KANSL1L: variants seen among roughly 807,000 people sequenced by gnomAD.
KANSL1L encodes KAT8 regulatory NSL complex subunit 1 like.
In KANSL1L, 25 loss-of-function variants were observed where a neutral mutation model predicts 108.6. The observed-to-expected ratio is 0.23, with a 90% CI of 0.17 to 0.32. The LOEUF is 0.32. KANSL1L is among the 10% of genes least tolerant of loss of function. KANSL1L has a pLI of 1.00. For missense variants in KANSL1L, 1,137 were observed against 1,125.7 expected (o/e 1.01, Z -0.14); for synonymous variants, 405 against 395.1 (o/e 1.03, Z -0.30).
intron 5 of KANSL1L, among the ~76,000 whole-genome samples, chr2:210,089,471 A>T (rs1349436430): frequency 6.6e-6 from 1 of 152,244 alleles, no homozygotes; most frequent in African/African-American, 2.4e-5. Flanking sequence ...ATAAATATTT[A>T]AAATGGAAGA....
At chr2:210,025,550 G>C (rs2093924869) in intron 12 of KANSL1L, among the ~76,000 whole-genome samples, 2 of 152,040 alleles carry the variant, frequency 1.3e-5, no homozygotes, top group South Asian at 2.1e-4. Flanking sequence ...GCGAGACTCT[G>C]TCTCAAAAAA....
intron 6 of KANSL1L, among the ~76,000 whole-genome samples, chr2:210,070,592 A>C (rs2125311644): frequency 6.6e-6 from 1 of 152,188 alleles, no homozygotes; most frequent in Middle Eastern, 3.4e-3. Context: ...ATTCAAAATG[A>C]TCTCATTTCA....
Position 210,044,245 on chromosome 2 carries a change from ATTAAC to A in KANSL1L, c.1756-146_1756-142del. On this transcript the variant is annotated intron_variant, in intron 6 of 14. Transcript: ENST00000281772. The surrounding 1 kb of genome is among the most constrained non-coding windows in gnomAD (Gnocchi z 4.2). ...AAATATTTTGCTAGATGTTTTCCCAATTAACTTTAATATTTATTAATTCAATCATA... is the reference window on the plus strand; with the variant it reads ...AAATATTTTGCTAGATGTTTTCCCAATTTAATATTTATTAATTCAATCATA... 2 of 478,202 alleles carry A rather than the reference ATTAAC, an allele frequency of 4.2e-6. No homozygotes were observed. Among genetic ancestry groups the A allele is most frequent in the Non-Finnish European group, 7.2e-6 (2 of 279,678 alleles). The allele number at this position is 478,202 out of a possible 1,614,324, so 29.6% of individuals were successfully genotyped here.
intron 2 of KANSL1L, among the ~76,000 whole-genome samples, chr2:210,150,778 A>T (rs2095297416): frequency 6.6e-6 from 1 of 150,458 alleles, no homozygotes; most frequent in African/African-American, 2.4e-5. Flanking sequence ...GCAAAACTCC[A>T]TCTTAAAAAA....
chr2:210,167,643 A>C (rs2125692003), intron 1 of KANSL1L, among the ~76,000 whole-genome samples: 1 of 152,148 alleles, frequency 6.6e-6, no homozygotes, highest in South Asian at 2.1e-4. Flanking sequence ...TAAAAACAAC[A>C]CACTTGAGAA....
chr2:210,026,576 A>G (rs1024758963), intron 12 of KANSL1L, among the ~76,000 whole-genome samples: 3 of 152,208 alleles, frequency 2.0e-5, no homozygotes, highest in Admixed American at 2.0e-4. Context: ...TGTTTACCAC[A>G]TTACTTTTTT....
At chr2:210,121,297 A>G (rs1182394264) in intron 3 of KANSL1L, among the ~76,000 whole-genome samples, 3 of 152,244 alleles carry the variant, frequency 2.0e-5, no homozygotes, top group African/African-American at 7.2e-5. Flanking sequence ...CACATACACC[A>G]TGGAATACTA....
Position 210,098,067 on chromosome 2 carries a change from C to A in KANSL1L, c.1550+19G>T, listed in dbSNP as rs1366443863. ...GGCAAAGTTGAATTTAAAAGCTAAG[C>A]TATTCCATTGATACCTACCTCCTGT... On this transcript the variant is annotated intron_variant, in intron 5 of 14. Coordinates refer to ENST00000281772, the MANE Select transcript of KANSL1L (RefSeq NM_152519.4). The A allele has an allele frequency of 5.1e-6, 8 of 1,578,338 alleles. No homozygotes were observed. The highest frequency in any genetic ancestry group is 6.0e-6 in the Non-Finnish European group (7 of 1,162,818).
intron 3 of KANSL1L, among the ~76,000 whole-genome samples, chr2:210,126,081 A>T (rs2095063093): frequency 6.6e-6 from 1 of 152,226 alleles, no homozygotes; most frequent in African/African-American, 2.4e-5. Flanking sequence ...AAACACTAAA[A>T]ATTCCTTCAA....
chr2:210,041,956 A>T (rs2094168752), intron 7 of KANSL1L, among the ~76,000 whole-genome samples: 1 of 152,368 alleles, frequency 6.6e-6, no homozygotes, highest in Non-Finnish European at 1.5e-5. Context: ...GGGAATAAAA[A>T]CTAAATATTC....
At chr2:210,128,076 A>C (rs1252715162) in intron 3 of KANSL1L, among the ~76,000 whole-genome samples, 1 of 152,080 alleles carries the variant, frequency 6.6e-6, no homozygotes, top group Non-Finnish European at 1.5e-5. Flanking sequence ...ACCATCTCAC[A>C]CTCATTAGGG....
Position 210,154,298 on chromosome 2 carries a change from A to G in KANSL1L, c.285T>C (p.Asn95=). ...GCTCCCCTAATTTCTTTTGTTTATAATTCTCATTGTGTTTATTTAATGTAG... is the reference window on the plus strand; with the variant it reads ...GCTCCCCTAATTTCTTTTGTTTATAGTTCTCATTGTGTTTATTTAATGTAG... ...SNSTLNKHNE[N]YKQKKLGEPS... is the part of the protein sequence containing the mutation. The change falls in exon 2 of 15, where the codon AAT becomes AAC. Residue 95 remains asparagine (N), a synonymous_variant. Coordinates refer to ENST00000281772, the MANE Select transcript of KANSL1L (RefSeq NM_152519.4). 1 of 1,613,244 alleles carries G rather than the reference A, an allele frequency of 6.2e-7. No homozygotes were observed. Among genetic ancestry groups the G allele is most frequent in the Non-Finnish European group, 8.5e-7 (1 of 1,179,434 alleles).
chr2:210,131,942 C>A (rs2095124802), intron 2 of KANSL1L, among the ~76,000 whole-genome samples: 1 of 152,050 alleles, frequency 6.6e-6, no homozygotes, highest in Non-Finnish European at 1.5e-5. Flanking sequence ...AGTGATCTAC[C>A]CGCCTCGGCC....
chr2:210,073,550 A>T (rs2094521880), intron 6 of KANSL1L, among the ~76,000 whole-genome samples: 1 of 152,100 alleles, frequency 6.6e-6, no homozygotes, highest in South Asian at 2.1e-4. Flanking sequence ...AAAAGAAAAA[A>T]AAAACTCAGT....
intron 1 of KANSL1L, among the ~76,000 whole-genome samples, chr2:210,168,864 T>C (rs1418931092): frequency 6.6e-6 from 1 of 152,140 alleles, no homozygotes; most frequent in East Asian, 1.9e-4. Flanking sequence ...AGATAAATAT[T>C]AGCCCACTGG....
intron 1 of KANSL1L, among the ~76,000 whole-genome samples, chr2:210,164,816 C>T (rs1687825339): frequency 6.7e-6 from 1 of 150,032 alleles, no homozygotes; most frequent in African/African-American, 2.5e-5. Flanking sequence ...CAAAAACCAA[C>T]TATGTTTCTT....
chr2:210,162,704 G>A lies in KANSL1L; in HGVS notation c.-29-8093C>T, dbSNP rs1396772518. On this transcript the variant is annotated intron_variant, in intron 1 of 14. Coordinates refer to ENST00000281772, the MANE Select transcript of KANSL1L (RefSeq NM_152519.4). ...AGAGGAGCTATAAAAGAGGAAGGAC[G>A]CTAAAAGAAAACTGAAAAGATCATC... 1.1e-4 allele frequency among the ~76,000 whole-genome samples: 11 copies of A among 98,248 alleles called. No individual in the cohort carries two copies. The Admixed American group carries it at 1.3e-3, about 12-fold the overall frequency. 64.5% of individuals were successfully genotyped at this position (98,248 alleles called of 152,430 possible). A position where few individuals can be genotyped will look rare whatever the true frequency, so the allele number is the denominator to read the frequency against.
chr2:210,034,134 TTACATGGCAAGCATTATTCTAAACCC>T (rs1402319684), intron 8 of KANSL1L, among the ~76,000 whole-genome samples: 1 of 152,186 alleles, frequency 6.6e-6, no homozygotes, highest in Non-Finnish European at 1.5e-5. Flanking sequence ...AGAGAACCAA[TTACATGGCAAGCATTATTCTAAACCC>T]TAGGTAAGCA....
intron 8 of KANSL1L, among the ~76,000 whole-genome samples, chr2:210,038,846 AAG>A (rs1361652521): frequency 6.6e-6 from 1 of 151,944 alleles, no homozygotes; most frequent in African/African-American, 2.4e-5. Context: ...AAGATTAGTC[AAG>A]GAGAATAGTA....
Sources: gnomAD v4.1 joint callset for allele counts (sites outside exome capture counted in the v4.1 genomes callset) on GRCh38, gnomAD v4.1.1 for gene constraint, Gnocchi (gnomAD v3.1) non-coding constraint, MANE v1.5 for transcripts, NCBI Gene and HGNC (gene_info 2026-07-23, HGNC 2026-07-21) for gene names.